Variants in ETV4 observed in about 807,000 individuals in gnomAD.
ETV4 encodes the protein ETS variant transcription factor 4.
Under a neutral mutation model 65.9 loss-of-function variants are expected in ETV4, and 42 were observed. That is an observed-to-expected ratio of 0.64 (90% CI 0.50 to 0.82). ETV4 has a LOEUF of 0.82. Among genes scored for constraint, ETV4 ranks in the 40% least tolerant of loss-of-function variants. The pLI, the probability that ETV4 is intolerant of heterozygous loss-of-function variation, is 0.00. For missense variants in ETV4, 583 were observed against 630.3 expected (o/e 0.92, Z 0.80); for synonymous variants, 238 against 260.0 (o/e 0.92, Z 0.81).
intron 2 of ETV4, 95 bp downstream of exon 2, chr17:43,545,463 C>T (rs918912917): frequency 1.6e-5 from 24 of 1,467,532 alleles, no homozygotes; most frequent in Non-Finnish European, 2.8e-6. Context: ...GCGGGGCAGC[C>T]CAGGACTCCG....
chr17:43,542,999 G>A (rs1254269424), intron 4 of ETV4, among the ~76,000 whole-genome samples: 1 of 152,112 alleles, frequency 6.6e-6, no homozygotes, highest in Admixed American at 6.5e-5. Flanking sequence ...AGAGGAGGCT[G>A]GGGTGGTGTT....
rs773215044 is a variant in ETV4, at chr17:43,532,803, C to G, written c.682G>C (p.Glu228Gln). The change falls in exon 8 of 13, where the codon GAA (glutamate) becomes CAA (glutamine). Residue 228 changes from glutamate (E) to glutamine (Q), a missense_variant. By Grantham distance (29) the Glu-to-Gln change is conservative. Coordinates refer to ENST00000319349, the MANE Select transcript of ETV4 (RefSeq NM_001079675.5). The part of the protein sequence containing the change: ...PPYPQQSFKQ[E>Q]YHDPLYEQAG... Reference sequence around the variant, plus strand: ...TGTTCATACAGGGGATCATGGTATTCTTGCTTAAAGCTCTGCTGGGGATAG... The same window carrying G: ...TGTTCATACAGGGGATCATGGTATTGTTGCTTAAAGCTCTGCTGGGGATAG... The G allele has an allele frequency of 2.9e-5, 47 of 1,613,888 alleles. No homozygotes were observed. The highest frequency in any genetic ancestry group is 3.8e-5 in the Non-Finnish European group (45 of 1,179,996).
intron 4 of ETV4, among the ~76,000 whole-genome samples, chr17:43,537,531 C>T (rs1704993652): frequency 6.7e-6 from 1 of 149,148 alleles, no homozygotes; most frequent in Admixed American, 6.7e-5. Flanking sequence ...CCCATCTCTA[C>T]TAAAAAATTA....
At chr17:43,530,252 C>T in intron 8 of ETV4, 71 bp from the exon 9 acceptor site, 2 of 1,542,640 alleles carry the variant, frequency 1.3e-6, no homozygotes, top group Non-Finnish European at 1.8e-6. Flanking sequence ...GGAGGAAGTC[C>T]TATCCACATT....
rs755817563 is a variant in ETV4 at position 43,528,758 on chromosome 17, A to G, written c.1231-15T>C. On this transcript the variant is annotated splice_polypyrimidine_tract_variant and intron_variant, in intron 12 of 12. Coordinates refer to ENST00000319349, the MANE Select transcript of ETV4 (RefSeq NM_001079675.5). ...TCACCAGCCACCTATGGGGAGAGAG[A>G]AGGTCTGGTCAGCCTGGCTAGCCGC... The G allele has an allele frequency of 2.2e-5, 36 of 1,611,122 alleles. No individual in the cohort carries two copies. Among genetic ancestry groups the G allele is most frequent in the Admixed American group, 3.3e-5 (2 of 59,960 alleles).
chr17:43,533,174 CCT>C lies in ETV4; in HGVS notation c.545+11_545+12del. ...CCTGGGCCCATGAGCAGTGGGTTTC[CCT>C]GTCTCCTTACCTATGTTCCCCGAGG... is the stretch of plus-strand genomic sequence containing the variant. On this transcript the variant is annotated intron_variant, in intron 7 of 12. Transcript: ENST00000319349. 1.2e-6 allele frequency: 2 copies of C among 1,612,848 alleles called. No individual in the cohort carries two copies. The highest frequency in any genetic ancestry group is 1.7e-6 in the Non-Finnish European group (2 of 1,179,382).
At chr17:43,537,405 G>A (rs536755554) in intron 4 of ETV4, among the ~76,000 whole-genome samples, 2 of 151,512 alleles carry the variant, frequency 1.3e-5, no homozygotes, top group South Asian at 4.2e-4. Flanking sequence ...AAATCACATA[G>A]GGGGGTGGCT....
At chr17:43,543,665 GGGGCAAAGCTCTGCCTGTAAATTGGAGCT>G (rs1971643299) in intron 4 of ETV4, among the ~76,000 whole-genome samples, 1 of 152,148 alleles carries the variant, frequency 6.6e-6, no homozygotes, top group Non-Finnish European at 1.5e-5. Context: ...ATGGGGAGAC[GGGGCAAAGCTCTGCCTGTAAATTGGAGCT>G]GGGCATGCAG....
intron 10 of ETV4, 77 bp downstream of exon 10, chr17:43,529,807 A>G (rs942777462): frequency 2.5e-6 from 4 of 1,600,326 alleles, no homozygotes; most frequent in Admixed American, 3.3e-5. Context: ...TCTTGCAACA[A>G]TGAAACGTGA....
chr17:43,537,330 A>C (rs1971295920), intron 4 of ETV4, among the ~76,000 whole-genome samples: 2 of 152,156 alleles, frequency 1.3e-5, no homozygotes, highest in African/African-American at 4.8e-5. Context: ...GCACCACTGC[A>C]CTCCAGCCTG....
In ETV4 at chr17:43,543,097, C is replaced by T. The variant is rs981707779; in HGVS notation, c.202+1878G>A. 9.2e-5 allele frequency among the ~76,000 whole-genome samples: 14 copies of T among 152,094 alleles called. No homozygotes were observed. The South Asian group carries it at 2.1e-3, about 23-fold the overall frequency. ...GAGCGATCGGCCTCAGCATCCCCCCCTCAGACCTGGCCATCCATCACCAGC... is the reference window on the plus strand; with the variant it reads ...GAGCGATCGGCCTCAGCATCCCCCCTTCAGACCTGGCCATCCATCACCAGC... On this transcript the variant is annotated intron_variant, in intron 4 of 12. Coordinates refer to ENST00000319349, the MANE Select transcript of ETV4 (RefSeq NM_001079675.5).
intron 8 of ETV4, chr17:43,530,546 C>T (rs1162843096): frequency 1.3e-6 from 1 of 755,386 alleles, no homozygotes; most frequent in African/African-American, 1.8e-5. Context: ...ACGCCTAAGA[C>T]TCCCTCAGAA....
At chr17:43,540,114 C>A (rs1166479325) in intron 4 of ETV4, among the ~76,000 whole-genome samples, 1 of 152,152 alleles carries the variant, frequency 6.6e-6, no homozygotes, top group Non-Finnish European at 1.5e-5. Flanking sequence ...AAAAGACAAC[C>A]ATTCCCAAAC....
rs1279328634 is a variant in ETV4, at chr17:43,533,292, C to T, written c.440G>A (p.Gly147Glu). 2 of 1,613,872 alleles carry T rather than the reference C, an allele frequency of 1.2e-6. No homozygotes were observed. The highest frequency in any genetic ancestry group is 2.2e-5 in the South Asian group (2 of 91,066). Residue 147 changes from glycine (G) to glutamate (E), a missense_variant, in exon 7 of 13, where the codon GGA becomes GAA. Physicochemically the swap from Gly to Glu is moderately conservative, Grantham distance 98 (BLOSUM62 -2). Transcript: ENST00000319349. ...GGGAAAGGGCTGTAGGGGCGACTGT[C>T]CAAGGGCACCAGGGGCAGGGGACTT... is the stretch of plus-strand genomic sequence containing the variant. ...AIKSPAPGAL[G>E]QSPLQPFPRA...
intron 4 of ETV4, among the ~76,000 whole-genome samples, chr17:43,542,851 A>G (rs1359542878): frequency 6.6e-6 from 1 of 152,054 alleles, no homozygotes; most frequent in Non-Finnish European, 1.5e-5. Flanking sequence ...CAAACTGAGA[A>G]AGGGAGGTTG....
At chr17:43,530,602 A>G (rs1212016489) in intron 8 of ETV4, among the ~76,000 whole-genome samples, 2 of 133,074 alleles carry the variant, frequency 1.5e-5, no homozygotes, top group African/African-American at 2.9e-5. Context: ...AGCCCTGTGC[A>G]CGCGCGCGTG....
intron 8 of ETV4, among the ~76,000 whole-genome samples, chr17:43,531,845 A>C (rs1021794212): frequency 6.6e-6 from 1 of 152,198 alleles, no homozygotes; most frequent in African/African-American, 2.4e-5. Flanking sequence ...GATAGGGACC[A>C]GACACATCCT....
At position 43,533,214 on chromosome 17, in the gene ETV4, G is replaced by A. The variant is rs772708492; in HGVS notation, c.518C>T (p.Pro173Leu). ...ATGTTCCCCGAGGTACCCATGGCCA[G>A]GGTGGGGCTGGGAGGTGCCAGAGGA... is the stretch of plus-strand genomic sequence containing the variant. ...LRSSGTSQPH[P>L]GHGYLGEHSS... The change falls in exon 7 of 13, where the codon CCT becomes CTT. Residue 173 changes from proline (P) to leucine (L), a missense_variant. By Grantham distance (98) the Pro-to-Leu change is moderately conservative. Coordinates refer to ENST00000319349, the MANE Select transcript of ETV4 (RefSeq NM_001079675.5). 1 of 1,614,050 alleles carries A rather than the reference G, an allele frequency of 6.2e-7. No individual in the cohort carries two copies. Among genetic ancestry groups the A allele is most frequent in the Admixed American group, 1.7e-5 (1 of 60,014 alleles).
chr17:43,533,727 C>T lies in ETV4; in HGVS notation c.383+132G>A, dbSNP rs1864663283. 9 of 1,203,428 alleles carry T rather than the reference C, an allele frequency of 7.5e-6. No homozygotes were observed. The South Asian group carries it at 1.3e-4, about 18-fold the overall frequency. The allele number at this position is 1,203,428 out of a possible 1,614,324, so 74.5% of individuals were successfully genotyped here. A position where few individuals can be genotyped will look rare whatever the true frequency, so the allele number is the denominator to read the frequency against. On this transcript the variant is annotated intron_variant, in intron 6 of 12. Coordinates refer to ENST00000319349, the MANE Select transcript of ETV4 (RefSeq NM_001079675.5). ...AGGAAATCCTTAGCTGTATTGCTTC[C>T]TTACAAGTGCTAGAAAATCCTTTCT...
Sources: gnomAD v4.1 joint callset for allele counts (sites outside exome capture counted in the v4.1 genomes callset) on GRCh38, gnomAD v4.1.1 for gene constraint, MANE v1.5 for transcripts, NCBI Gene and HGNC (gene_info 2026-07-23, HGNC 2026-07-21) for gene names.